Variants in LYST observed in about 807,000 individuals in gnomAD.
The protein encoded by LYST is lysosomal trafficking regulator, also known as lysosomal-trafficking regulator.
LYST carries 192 observed loss-of-function variants against 413.6 expected under a neutral mutation model. The ratio of observed to expected loss-of-function variants is 0.46; its 90% CI spans 0.41 to 0.52. The LOEUF is 0.52. Among genes scored for constraint, LYST ranks in the 20% least tolerant of loss-of-function variants. The pLI is 0.00. For missense variants in LYST, 3,815 were observed against 4,499.9 expected (o/e 0.85, Z 4.35); for synonymous variants, 1,525 against 1,567.3 (o/e 0.97, Z 0.64).
chr1:235,818,442 T>C (rs1231458734), intron 3 of LYST, among the ~76,000 whole-genome samples: 1 of 152,180 alleles, frequency 6.6e-6, no homozygotes, highest in African/African-American at 2.4e-5. Flanking sequence ...TGGAGTTGGG[T>C]ATTCAATAAC....
chr1:235,746,229 T>C (rs764859050), intron 29 of LYST, 107 bp downstream of exon 29: 43 of 919,240 alleles, frequency 4.7e-5, no homozygotes, highest in Non-Finnish European at 6.6e-5. Flanking sequence ...TGTTAAGAAC[T>C]GAAAAATAAT....
intron 48 of LYST, among the ~76,000 whole-genome samples, chr1:235,681,413 T>C (rs1023991922): frequency 5.3e-5 from 8 of 152,138 alleles, no homozygotes; most frequent in African/African-American, 1.9e-4. Context: ...CCTAGCAACC[T>C]ACATTTTATC....
At chr1:235,824,628 G>T (rs888566076) in intron 3 of LYST, among the ~76,000 whole-genome samples, 6 of 152,152 alleles carry the variant, frequency 3.9e-5, no homozygotes, top group African/African-American at 1.4e-4. Context: ...GAATGTTTTT[G>T]ATATTTAAAA....
intron 50 of LYST, among the ~76,000 whole-genome samples, chr1:235,666,133 C>T (rs1021976807): frequency 3.3e-5 from 5 of 151,606 alleles, no homozygotes; most frequent in African/African-American, 9.7e-5. Context: ...ATCAAAATGC[C>T]CAGTGTGTTG....
chr1:235,688,984 A>AAAT (rs35849101), intron 47 of LYST, among the ~76,000 whole-genome samples: 20,290 of 135,738 alleles, frequency 0.15, 1,567 homozygotes, highest in South Asian at 0.2. Context: ...ACTCCGTCTC[A>AAAT]AATAATAATA....
At chr1:235,785,242 T>C (rs2103494313) in intron 14 of LYST, among the ~76,000 whole-genome samples, 1 of 152,242 alleles carries the variant, frequency 6.6e-6, no homozygotes, top group South Asian at 2.1e-4. Flanking sequence ...CCATCGTAAG[T>C]GTCAAACTCG....
At chr1:235,772,655 C>T (rs1572211152) in intron 19 of LYST, among the ~76,000 whole-genome samples, 1 of 152,170 alleles carries the variant, frequency 6.6e-6, no homozygotes, top group Non-Finnish European at 1.5e-5. Flanking sequence ...TTAATTTGTA[C>T]TTACGATGAA....
chr1:235,785,512 G>A (rs1432318542), intron 14 of LYST, among the ~76,000 whole-genome samples: 2 of 152,134 alleles, frequency 1.3e-5, no homozygotes, highest in African/African-American at 2.4e-5. Flanking sequence ...TGTGTTAAGG[G>A]TATATGTTAT....
In LYST at chr1:235,766,161, G is replaced by A; in HGVS notation, c.6039C>T (p.Phe2013=). The change falls in exon 21 of 53, where the codon TTC becomes TTT. Residue 2013 remains phenylalanine, a synonymous_variant. Coordinates refer to ENST00000389793, the MANE Select transcript of LYST (RefSeq NM_000081.4). ...PPDLELLTII[F]NFLLAVHPPT... is the part of the protein sequence containing the mutation. ...GAGGGTGAACTGCTAAAAGGAAATT[G>A]AAGATAATTGTCAATAATTCCAAAT... 1 of 1,613,026 alleles carries A rather than the reference G, an allele frequency of 6.2e-7. No homozygotes were observed. Among genetic ancestry groups the A allele is most frequent in the African/African-American group, 1.3e-5 (1 of 74,994 alleles).
chr1:235,736,693 T>G (rs987618809), intron 31 of LYST: 1 of 152,148 alleles, frequency 6.6e-6, no homozygotes, highest in Non-Finnish European at 1.5e-5. Flanking sequence ...TCTGTACTAC[T>G]ATGTAATAAT....
At chr1:235,876,719 T>C (rs1393165961) in intron 1 of LYST, among the ~76,000 whole-genome samples, 2 of 152,204 alleles carry the variant, frequency 1.3e-5, no homozygotes, top group Non-Finnish European at 1.5e-5. Flanking sequence ...CTTGTAAAAA[T>C]GACATAATCA....
At chr1:235,694,040 C>T (rs538892818) in intron 46 of LYST, among the ~76,000 whole-genome samples, 18 of 142,788 alleles carry the variant, frequency 1.3e-4, no homozygotes, top group East Asian at 4.0e-4. Flanking sequence ...GACAGAGTCT[C>T]GCTCTGTCAC....
At chr1:235,816,034 G>T (rs140438816) in intron 3 of LYST, among the ~76,000 whole-genome samples, 3,024 of 143,394 alleles carry the variant, frequency 0.021, 101 homozygotes, top group African/African-American at 0.074. Context: ...GGAGGTTGAG[G>T]CAGAAGAATC....
In LYST at chr1:235,750,513, C is replaced by T. The variant is rs150582714; in HGVS notation, c.7780+697G>A. Among the ~76,000 whole-genome samples the T allele has an allele frequency of 1.2e-4, 19 of 152,150 alleles. No homozygotes were observed. The East Asian group carries it at 3.7e-3, about 29-fold the overall frequency. ...GAGTGATTAAATTTCAAACAATTTA[C>T]CAAATACTCTGGAGATGGTGTGTGT... On this transcript the variant is annotated intron_variant, in intron 28 of 52. Coordinates refer to ENST00000389793, the MANE Select transcript of LYST (RefSeq NM_000081.4).
chr1:235,791,439 AG>A, intron 12 of LYST: 1 of 439,616 alleles, frequency 2.3e-6, no homozygotes, highest in Non-Finnish European at 4.2e-6. Context: ...AAGGAACTTT[AG>A]GGGCTGATGA....
intron 14 of LYST, 92 bp from the exon 15 acceptor site, chr1:235,782,179 T>TA: frequency 4.8e-5 from 54 of 1,126,256 alleles, no homozygotes; most frequent in Middle Eastern, 2.9e-4. Flanking sequence ...AATGGGGAAT[T>TA]CTTTTTTTTT....
chr1:235,684,564 G>A (rs1372905715), intron 48 of LYST, among the ~76,000 whole-genome samples: 1 of 152,122 alleles, frequency 6.6e-6, no homozygotes, highest in East Asian at 1.9e-4. Flanking sequence ...ATCAAAAGGT[G>A]ATAAAAAGGA....
At chr1:235,859,770 G>A (rs1001636228) in intron 1 of LYST, among the ~76,000 whole-genome samples, 4 of 152,006 alleles carry the variant, frequency 2.6e-5, no homozygotes, top group Admixed American at 2.0e-4. Context: ...TCCCCTTTGC[G>A]CCTTCCTGGG....
At chr1:235,821,858 T>C (rs1674781319) in intron 3 of LYST, among the ~76,000 whole-genome samples, 1 of 152,234 alleles carries the variant, frequency 6.6e-6, no homozygotes, top group Non-Finnish European at 1.5e-5. Flanking sequence ...AGAGTGGTTA[T>C]TAAATGGCCA....
Sources: gnomAD v4.1 joint callset for allele counts (sites outside exome capture counted in the v4.1 genomes callset) on GRCh38, gnomAD v4.1.1 for gene constraint, MANE v1.5 for transcripts, NCBI Gene and HGNC (gene_info 2026-07-23, HGNC 2026-07-21) for gene names.